The following GULP1 variants were observed in gnomAD, a reference collection of about 807,000 sequenced individuals.
GULP1 encodes the protein GULP PTB domain containing engulfment adaptor 1, also known as PTB domain-containing engulfment adapter protein 1.
GULP1 carries 19 observed loss-of-function variants against 40.9 expected under a neutral mutation model. That is an observed-to-expected ratio of 0.46 (90% CI 0.32 to 0.68). The LOEUF is 0.68. Ranked by LOEUF, GULP1 falls within the 30% of genes least tolerant of loss-of-function variation. The pLI is 0.03. For synonymous variants in GULP1, 119 were observed against 117.6 expected, an observed-to-expected ratio of 1.01 and a Z score of -0.08; for missense variants, 312 against 362.2, an observed-to-expected ratio of 0.86 and a Z score of 1.12.
intron 1 of GULP1, among the ~76,000 whole-genome samples, chr2:188,317,241 A>G (rs966559543): frequency 6.6e-6 from 1 of 152,154 alleles, no homozygotes; most frequent in African/African-American, 2.4e-5. Context: ...TCCTAAGATT[A>G]TATGTATGCA....
chr2:188,462,691 A>G (rs186960482), intron 2 of GULP1, among the ~76,000 whole-genome samples: 2,121 of 151,996 alleles, frequency 0.014, 26 homozygotes, highest in Non-Finnish European at 0.024. Flanking sequence ...CTTTTCTTAC[A>G]GTTTCTTCCT....
intron 1 of GULP1, among the ~76,000 whole-genome samples, chr2:188,367,617 G>C (rs1245923782): frequency 2.6e-5 from 4 of 152,158 alleles, no homozygotes; most frequent in Non-Finnish European, 5.9e-5. Flanking sequence ...TGTGACAAAA[G>C]TACATTAAGA....
chr2:188,298,860 T>C (rs919488323), intron 1 of GULP1, among the ~76,000 whole-genome samples: 3 of 152,166 alleles, frequency 2.0e-5, no homozygotes, highest in Non-Finnish European at 2.9e-5. Flanking sequence ...TGCTGCCAAG[T>C]GAATATAGCA....
intron 1 of GULP1, among the ~76,000 whole-genome samples, chr2:188,361,228 T>G (rs1297305864): frequency 6.6e-6 from 1 of 152,108 alleles, no homozygotes; most frequent in Non-Finnish European, 1.5e-5. Flanking sequence ...CTAGTCATTT[T>G]CAAGAAACGC....
intron 1 of GULP1, among the ~76,000 whole-genome samples, chr2:188,331,100 A>G (rs1372727625): frequency 1.3e-5 from 2 of 152,334 alleles, no homozygotes; most frequent in South Asian, 2.1e-4. Flanking sequence ...TTTCACAACC[A>G]TCTTCCCAGG....
chr2:188,428,836 T>C (rs2056526490), intron 2 of GULP1, among the ~76,000 whole-genome samples: 1 of 152,246 alleles, frequency 6.6e-6, no homozygotes, highest in South Asian at 2.1e-4. Flanking sequence ...AAGTAATCTT[T>C]GTTGTTTTAC....
At chr2:188,587,767 T>C (rs1179600795) in intron 10 of GULP1, 88 bp from the exon 11 acceptor site, 2 of 728,956 alleles carry the variant, frequency 2.7e-6, no homozygotes, top group Non-Finnish European at 4.8e-6. Flanking sequence ...CATGTAAATA[T>C]TCATTTATAT....
At chr2:188,497,768 G>A (rs1465089955) in intron 4 of GULP1, among the ~76,000 whole-genome samples, 1 of 151,878 alleles carries the variant, frequency 6.6e-6, no homozygotes, top group African/African-American at 2.4e-5. Flanking sequence ...CAGACCCTTT[G>A]GATCTCATGC....
chr2:188,482,092 T>C (rs1483557598), intron 3 of GULP1, among the ~76,000 whole-genome samples: 4 of 151,926 alleles, frequency 2.6e-5, no homozygotes, highest in African/African-American at 9.7e-5. Flanking sequence ...CTATCATATA[T>C]TCACTCTAGT....
At chr2:188,418,860 G>T (rs1425732654) in intron 2 of GULP1, among the ~76,000 whole-genome samples, 1 of 152,010 alleles carries the variant, frequency 6.6e-6, no homozygotes, top group African/African-American at 2.4e-5. Flanking sequence ...CTTTATTCCC[G>T]TTGATTATTA....
chr2:188,447,411 A>G (rs958653315), intron 2 of GULP1, among the ~76,000 whole-genome samples: 3 of 152,282 alleles, frequency 2.0e-5, no homozygotes, highest in Admixed American at 6.5e-5. Flanking sequence ...GAATCTGTTC[A>G]GATGGTTGGG....
intron 7 of GULP1, among the ~76,000 whole-genome samples, chr2:188,557,380 A>G (rs1469065810): frequency 6.6e-6 from 1 of 152,232 alleles, no homozygotes; most frequent in Non-Finnish European, 1.5e-5. Flanking sequence ...AAACATTCCC[A>G]TTCCAAAAGG....
rs2153322718 is a variant in GULP1 at position 188,541,335 on chromosome 2, T to C, written c.399+17T>C. The C allele has an allele frequency of 6.2e-7, 1 of 1,609,284 alleles. No homozygotes were observed. Among genetic ancestry groups the C allele is most frequent in the East Asian group, 2.2e-5 (1 of 44,794 alleles). On this transcript the variant is annotated intron_variant, in intron 7 of 11. Coordinates refer to ENST00000409830, the MANE Select transcript of GULP1 (RefSeq NM_016315.4). ...GAAAAGTGTGTAAGTATCCCAGATG[T>C]TGTAGGGTGGTTTGTTCTGTTTTAT...
intron 2 of GULP1, among the ~76,000 whole-genome samples, chr2:188,388,591 A>G (rs899636137): frequency 3.3e-5 from 5 of 152,000 alleles, no homozygotes; most frequent in African/African-American, 7.2e-5. Flanking sequence ...TTTAAAAGTG[A>G]TATGTGTGTT....
chr2:188,541,694 A>T (rs1370171151), intron 7 of GULP1: 1 of 360,584 alleles, frequency 2.8e-6, no homozygotes, highest in Non-Finnish European at 4.9e-6. Context: ...TGTTTCCCCC[A>T]CATGTGCAGA....
At chr2:188,524,118 C>G (rs1297609693) in intron 5 of GULP1, among the ~76,000 whole-genome samples, 3 of 152,100 alleles carry the variant, frequency 2.0e-5, no homozygotes, top group Non-Finnish European at 4.4e-5. Flanking sequence ...TCCAACTTCA[C>G]TACAATCAGA....
chr2:188,359,621 A>G (rs1467123112), intron 1 of GULP1, among the ~76,000 whole-genome samples: 1 of 152,146 alleles, frequency 6.6e-6, no homozygotes, highest in East Asian at 1.9e-4. Flanking sequence ...TTTGAATGTA[A>G]GGTGGCTTTA....
At chr2:188,407,735 G>T (rs1238977488) in intron 2 of GULP1, among the ~76,000 whole-genome samples, 1 of 151,988 alleles carries the variant, frequency 6.6e-6, no homozygotes. Flanking sequence ...AGGAACAAAG[G>T]ATGTACAAAA....
intron 2 of GULP1, among the ~76,000 whole-genome samples, chr2:188,434,599 T>C (rs1296169111): frequency 6.6e-6 from 1 of 151,700 alleles, no homozygotes; most frequent in Admixed American, 6.6e-5. Flanking sequence ...TATTTGAACA[T>C]TTTCTTATGT....
Sources: allele counts gnomAD v4.1 joint callset (sites outside exome capture counted in the v4.1 genomes callset), GRCh38; gene constraint gnomAD v4.1.1; transcripts MANE v1.5; gene names NCBI Gene and HGNC (gene_info 2026-07-23, HGNC 2026-07-21).